TRPC4AP: variants seen among roughly 807,000 people sequenced by gnomAD.
TRPC4AP encodes the protein short transient receptor potential channel 4-associated protein.
TRPC4AP carries 45 observed loss-of-function variants against 99.0 expected under a neutral mutation model. That is an observed-to-expected ratio of 0.45 (90% CI 0.36 to 0.58). The LOEUF (loss-of-function observed/expected upper bound fraction) is 0.58. Among genes scored for constraint, TRPC4AP ranks in the 20% least tolerant of loss-of-function variants. The pLI is 0.00. For missense variants in TRPC4AP, 879 were observed against 985.3 expected (o/e 0.89, Z 1.44); for synonymous variants, 408 against 385.8 (o/e 1.06, Z -0.67).
chr20:35,008,720 G>A lies in TRPC4AP; in HGVS notation c.1539C>T (p.Gly513=). 6.2e-7 allele frequency: 1 copy of A among 1,613,972 alleles called. No homozygotes were observed. Among genetic ancestry groups the A allele is most frequent in the Non-Finnish European group, 8.5e-7 (1 of 1,179,964 alleles). ...TGACCTGCAGCAGACGAGTTAATAAGCCCCTCTTCCCATCACACACCAAAC... is the reference window on the plus strand; with the variant it reads ...TGACCTGCAGCAGACGAGTTAATAAACCCCTCTTCCCATCACACACCAAAC... ...DRSLVCDGKR[G]LLTRLLQVMK... is the part of the protein sequence containing the mutation. The change falls in exon 13 of 19, where the codon GGC becomes GGT. Residue 513 remains glycine, a synonymous_variant. Transcript: ENST00000252015.
intron 2 of TRPC4AP, among the ~76,000 whole-genome samples, chr20:35,076,855 C>A (rs1463682059): frequency 3.9e-5 from 6 of 152,196 alleles, no homozygotes; most frequent in Non-Finnish European, 8.8e-5. Flanking sequence ...ATGCCCTGCT[C>A]CCAGAGGTGG....
In TRPC4AP at chr20:35,021,211, C is replaced by T; in HGVS notation, c.1197G>A (p.Leu399=). ...CCACCTGGTTTCGCTGACGCCCCAT[C>T]AGCAGCACGCAGAGGACATAGAGCA... The part of the protein sequence containing the change: ...LEVLYVLCVL[L]MGRQRNQVHR... Residue 399 remains leucine, a synonymous_variant, in exon 9 of 19, where the codon CTG becomes CTA. Transcript: ENST00000252015. 2 of 1,613,432 alleles carry T rather than the reference C, an allele frequency of 1.2e-6. No homozygotes were observed. The highest frequency in any genetic ancestry group is 1.7e-6 in the Non-Finnish European group (2 of 1,179,464).
chr20:35,063,758 G>A (rs2084068586), intron 3 of TRPC4AP, among the ~76,000 whole-genome samples: 1 of 152,130 alleles, frequency 6.6e-6, no homozygotes. Context: ...CTACTCGGGA[G>A]ACTGAGGCAG....
At chr20:35,092,341 G>C (rs1296959655) in intron 1 of TRPC4AP, among the ~76,000 whole-genome samples, 2 of 152,174 alleles carry the variant, frequency 1.3e-5, no homozygotes, top group Admixed American at 1.3e-4. Flanking sequence ...GCGCAAAGAA[G>C]GGAGGATCCA....
At chr20:35,014,900 G>C (rs963999659) in intron 10 of TRPC4AP, among the ~76,000 whole-genome samples, 9 of 152,196 alleles carry the variant, frequency 5.9e-5, no homozygotes, top group African/African-American at 2.2e-4. Flanking sequence ...ATTCATTCAA[G>C]CTCTTCCAAC....
intron 3 of TRPC4AP, among the ~76,000 whole-genome samples, chr20:35,063,412 C>T (rs1163305849): frequency 6.6e-6 from 1 of 152,104 alleles, no homozygotes; most frequent in African/African-American, 2.4e-5. Context: ...AATAGATTAA[C>T]GGCTGCCAGA....
intron 4 of TRPC4AP, among the ~76,000 whole-genome samples, chr20:35,057,113 C>T (rs2083851813): frequency 6.6e-6 from 1 of 151,692 alleles, no homozygotes; most frequent in Admixed American, 6.6e-5. Flanking sequence ...AACACTCTGA[C>T]TTTTTACCAT....
At chr20:35,029,979 T>C (rs1191020762) in intron 8 of TRPC4AP, among the ~76,000 whole-genome samples, 13 of 142,484 alleles carry the variant, frequency 9.1e-5, no homozygotes, top group South Asian at 2.5e-4. Flanking sequence ...CGGTGGCTCA[T>C]ACCCGTAATC....
intron 1 of TRPC4AP, among the ~76,000 whole-genome samples, chr20:35,089,951 C>T (rs925347933): frequency 6.6e-6 from 1 of 151,942 alleles, no homozygotes; most frequent in Non-Finnish European, 1.5e-5. Flanking sequence ...AAAACCCTGT[C>T]TCTACCAAAG....
chr20:35,006,335 T>C, intron 15 of TRPC4AP, 100 bp downstream of exon 15: 1 of 1,420,158 alleles, frequency 7.0e-7, no homozygotes, highest in Non-Finnish European at 9.7e-7. Flanking sequence ...TCCCCCGTCG[T>C]CTCTAACGTA....
chr20:35,008,468 G>A (rs1025895270), intron 13 of TRPC4AP, among the ~76,000 whole-genome samples, 196 bp downstream of exon 13: 4 of 152,196 alleles, frequency 2.6e-5, no homozygotes, highest in African/African-American at 9.7e-5. Context: ...CTCGGTCACT[G>A]TGGGCTGCAG....
intron 8 of TRPC4AP, among the ~76,000 whole-genome samples, chr20:35,027,559 CTCTTT>C (rs912204303): frequency 2.1e-4 from 32 of 152,104 alleles, no homozygotes; most frequent in African/African-American, 6.8e-4. Flanking sequence ...CTGTTCCTTC[CTCTTT>C]TATTTTCTAT....
intron 1 of TRPC4AP, among the ~76,000 whole-genome samples, chr20:35,082,510 A>G (rs1480022541): frequency 6.6e-6 from 1 of 152,238 alleles, no homozygotes; most frequent in African/African-American, 2.4e-5. Flanking sequence ...ATATGAAAAT[A>G]TCCTGAAAGA....
intron 7 of TRPC4AP, among the ~76,000 whole-genome samples, chr20:35,038,104 G>T (rs909064192): frequency 6.7e-6 from 1 of 149,902 alleles, no homozygotes; most frequent in Non-Finnish European, 1.5e-5. Flanking sequence ...AATGTGTACG[G>T]CGTTTCCTTT....
chr20:35,016,367 G>A (rs750795942), intron 9 of TRPC4AP, among the ~76,000 whole-genome samples: 2 of 152,136 alleles, frequency 1.3e-5, no homozygotes, highest in Non-Finnish European at 2.9e-5. Flanking sequence ...AAGGCATAAT[G>A]TCCGGTAGTT....
intron 3 of TRPC4AP, among the ~76,000 whole-genome samples, chr20:35,058,044 T>C (rs1350496869): frequency 6.6e-6 from 1 of 152,174 alleles, no homozygotes; most frequent in Non-Finnish European, 1.5e-5. Context: ...CTGTTTAAAA[T>C]AAGCATGTAT....
Position 35,035,302 on chromosome 20 carries a change from A to T in TRPC4AP, c.872T>A (p.Leu291His). 6.2e-7 allele frequency: 1 copy of T among 1,613,448 alleles called. No individual in the cohort carries two copies. The highest frequency in any genetic ancestry group is 8.5e-7 in the Non-Finnish European group (1 of 1,179,628). ...PSAAEINQAALLSIPGFVERL... is the reference protein window; with the variant it reads ...PSAAEINQAAHLSIPGFVERL... ...CTCAACAAAGCCAGGAATGCTGAGA[A>T]GGGCCGCTGCCAGGGAAAGAACAAG... Residue 291 changes from leucine to histidine, a missense_variant, in exon 8 of 19, where the codon CTT becomes CAT. Leu to His is a moderately conservative substitution (Grantham distance 99). Coordinates refer to ENST00000252015, the MANE Select transcript of TRPC4AP (RefSeq NM_015638.3).
intron 1 of TRPC4AP, among the ~76,000 whole-genome samples, chr20:35,086,324 T>A (rs1275440225): frequency 6.6e-6 from 1 of 152,038 alleles, no homozygotes; most frequent in East Asian, 1.9e-4. Context: ...CAATACATGT[T>A]AACCACTGAA....
At chr20:35,020,845 G>A (rs1346479787) in intron 9 of TRPC4AP, among the ~76,000 whole-genome samples, 1 of 152,066 alleles carries the variant, frequency 6.6e-6, no homozygotes, top group East Asian at 1.9e-4. Context: ...CCACTGCCCT[G>A]AGCCCACATC....
Sources: allele counts gnomAD v4.1 joint callset (sites outside exome capture counted in the v4.1 genomes callset), GRCh38; gene constraint gnomAD v4.1.1; transcripts MANE v1.5; gene names NCBI Gene and HGNC (gene_info 2026-07-23, HGNC 2026-07-21).